The following EBF3 variants were observed in gnomAD, a reference collection of about 807,000 sequenced individuals.
EBF3 encodes transcription factor COE3.
EBF3 carries 18 observed loss-of-function variants against 77.1 expected under a neutral mutation model. That is an observed-to-expected ratio of 0.23 (90% CI 0.16 to 0.35). The LOEUF (loss-of-function observed/expected upper bound fraction) is 0.35. Ranked by LOEUF, EBF3 falls within the 10% of genes least tolerant of loss-of-function variation. EBF3 has a pLI of 1.00. For missense variants in EBF3, 558 were observed against 860.0 expected, an observed-to-expected ratio of 0.65 and a Z score of 4.39; for synonymous variants, 350 against 343.5, an observed-to-expected ratio of 1.02 and a Z score of -0.21.
At chr10:129,948,246 A>T (rs1858381197) in intron 6 of EBF3, among the ~76,000 whole-genome samples, 1 of 146,480 alleles carries the variant, frequency 6.8e-6, no homozygotes. Flanking sequence ...CAACAAGAGC[A>T]AAAACTCCGT....
intron 6 of EBF3, among the ~76,000 whole-genome samples, chr10:129,896,449 T>TGGCGTCGCCCGCCATTCCTGGCCC (rs1854382338): frequency 6.6e-6 from 1 of 152,236 alleles, no homozygotes; most frequent in Non-Finnish European, 1.5e-5. Context: ...CACCCTGGCC[T>TGGCGTCGCCCGCCATTCCTGGCCC]GGCGTCGCCC....
At chr10:129,851,448 C>T (rs1181013444) in intron 10 of EBF3, among the ~76,000 whole-genome samples, 3 of 152,242 alleles carry the variant, frequency 2.0e-5, no homozygotes, top group African/African-American at 4.8e-5. Flanking sequence ...GCTTAGTCTC[C>T]GAACACATGT....
chr10:129,963,064 G>C lies in EBF3; in HGVS notation c.292-59C>G. 2 of 1,599,168 alleles carry C rather than the reference G, an allele frequency of 1.3e-6. No individual in the cohort carries two copies. The highest frequency in any genetic ancestry group is 1.7e-6 in the Non-Finnish European group (2 of 1,166,678). On this transcript the variant is annotated intron_variant, in intron 2 of 16. Coordinates refer to ENST00000440978, the MANE Select transcript of EBF3 (RefSeq NM_001375380.1). The surrounding 1 kb of genome is among the most constrained non-coding windows in gnomAD (Gnocchi z 7.1). Reference sequence around the variant, plus strand: ...GATCGGTGTCAGGCGCGGCCACCACGCTCGGTCCCCCTCCGCGACCGAGGC... The same window carrying C: ...GATCGGTGTCAGGCGCGGCCACCACCCTCGGTCCCCCTCCGCGACCGAGGC...
chr10:129,949,326 G>A (rs1015103790), intron 6 of EBF3, among the ~76,000 whole-genome samples: 4 of 152,182 alleles, frequency 2.6e-5, no homozygotes, highest in Non-Finnish European at 5.9e-5. Flanking sequence ...GAAAAGAAAA[G>A]AAAAGAGAAA....
intron 6 of EBF3, among the ~76,000 whole-genome samples, chr10:129,907,768 G>T (rs971893338): frequency 6.6e-6 from 1 of 152,172 alleles, no homozygotes; most frequent in African/African-American, 2.4e-5. Context: ...AATTGGTATT[G>T]ATTTTTTCCT....
intron 6 of EBF3, among the ~76,000 whole-genome samples, chr10:129,950,881 C>T (rs575172177): frequency 6.6e-6 from 1 of 152,336 alleles, no homozygotes; most frequent in Admixed American, 6.5e-5. Flanking sequence ...GCTTTGCCAA[C>T]TGCAGGTTAA....
rs10665456 is a variant in EBF3, at chr10:129,889,946, C to CTTT, written c.555-12100_555-12098dup. Among the ~76,000 whole-genome samples, 67 of 82,892 alleles carry CTTT rather than the reference C, an allele frequency of 8.1e-4. 6 individuals carry two copies. The highest frequency in any genetic ancestry group is 5.5e-3 in the East Asian group (11 of 2,016). The allele number at this position is 82,892 out of a possible 152,430, so 54.4% of individuals were successfully genotyped here. A position where few individuals can be genotyped will look rare whatever the true frequency, so the allele number is the denominator to read the frequency against. ...AAATGAGCAAAGCCCATTGAAGTGC[C>CTTT]TTTTTTTTTTTTTTTTTTTTTTTTT... On this transcript the variant is annotated intron_variant, in intron 6 of 16. Transcript: ENST00000440978.
intron 10 of EBF3, 50 bp downstream of exon 10, chr10:129,867,091 G>A: frequency 6.3e-7 from 1 of 1,587,804 alleles, no homozygotes; most frequent in Non-Finnish European, 8.6e-7. Flanking sequence ...CCTCCTGGTG[G>A]GGAGGAGGCC....
At chr10:129,871,468 T>C (rs1220114481) in intron 8 of EBF3, among the ~76,000 whole-genome samples, 2 of 152,152 alleles carry the variant, frequency 1.3e-5, no homozygotes, top group East Asian at 3.9e-4. Flanking sequence ...GATTGGATAA[T>C]GAGGTGTTAG....
At chr10:129,886,025 T>A (rs976325106) in intron 6 of EBF3, among the ~76,000 whole-genome samples, 14 of 145,246 alleles carry the variant, frequency 9.6e-5, no homozygotes, top group Non-Finnish European at 1.9e-4. Context: ...GTGTTGTTTT[T>A]GGTTTTAATT....
At position 129,947,868 on chromosome 10, in the gene EBF3, G is replaced by GA. The variant is rs537596611; in HGVS notation, c.554+9389dup. On this transcript the variant is annotated intron_variant, in intron 6 of 16. Coordinates refer to ENST00000440978, the MANE Select transcript of EBF3 (RefSeq NM_001375380.1). This position sits in a 1 kb window ranked among gnomAD's most constrained non-coding sequence, Gnocchi z 4.5. Reference sequence around the variant, plus strand: ...CAGAGTGCCCAGTAACCTTTAAGAAGAAAAAAAAAATTATATTCAAAGAGA... The same window carrying GA: ...CAGAGTGCCCAGTAACCTTTAAGAAGAAAAAAAAAAATTATATTCAAAGAGA... Among the ~76,000 whole-genome samples, 350 of 148,530 alleles carry GA rather than the reference G, an allele frequency of 2.4e-3. 2 individuals carry two copies. Among genetic ancestry groups the GA allele is most frequent in the South Asian group, 0.01 (49 of 4,698 alleles).
chr10:129,957,423 G>A (rs1859127409), intron 5 of EBF3, 97 bp from the exon 6 acceptor site: 4 of 1,020,436 alleles, frequency 3.9e-6, no homozygotes, highest in Non-Finnish European at 4.4e-6. Flanking sequence ...CAATGAAGCG[G>A]TAGGAGTCAA....
At chr10:129,888,492 T>G (rs555901513) in intron 6 of EBF3, among the ~76,000 whole-genome samples, 1 of 152,368 alleles carries the variant, frequency 6.6e-6, no homozygotes, top group East Asian at 1.9e-4. Flanking sequence ...CCAGTCCCAC[T>G]GGTGAATGGC....
chr10:129,866,126 G>A (rs908869962), intron 10 of EBF3, among the ~76,000 whole-genome samples: 3 of 152,158 alleles, frequency 2.0e-5, no homozygotes, highest in Non-Finnish European at 4.4e-5. Flanking sequence ...AAGTTGAAGT[G>A]AGTTGTTTGT....
intron 11 of EBF3, chr10:129,845,244 C>T (rs549913342): frequency 6.6e-6 from 1 of 152,306 alleles, no homozygotes; most frequent in East Asian, 1.9e-4. Context: ...ATATGCCGAG[C>T]TTATGCATAC....
chr10:129,893,445 A>G (rs1163448154), intron 6 of EBF3, among the ~76,000 whole-genome samples: 3 of 152,236 alleles, frequency 2.0e-5, no homozygotes, highest in African/African-American at 7.2e-5. Flanking sequence ...TCTGTTCTAA[A>G]TGAATAAATT....
intron 6 of EBF3, among the ~76,000 whole-genome samples, chr10:129,930,795 A>G (rs1856969444): frequency 1.4e-5 from 2 of 146,922 alleles, no homozygotes; most frequent in Non-Finnish European, 3.0e-5. Flanking sequence ...GTCTATATCT[A>G]TCTCTATATT....
chr10:129,842,069 C>T lies in EBF3; in HGVS notation c.1372+47G>A. 6.2e-7 allele frequency: 1 copy of T among 1,612,536 alleles called. No homozygotes were observed. Among genetic ancestry groups the T allele is most frequent in the East Asian group, 2.2e-5 (1 of 44,852 alleles). ...CTCTTCAGCTAAGGCCTCAACCAAC[C>T]CTCGGAGGGCGTTCAGGGCAGGGGT... On this transcript the variant is annotated intron_variant, in intron 13 of 16. Coordinates refer to ENST00000440978, the MANE Select transcript of EBF3 (RefSeq NM_001375380.1). This position sits in a 1 kb window ranked among gnomAD's most constrained non-coding sequence, Gnocchi z 4.4.
intron 6 of EBF3, among the ~76,000 whole-genome samples, chr10:129,878,661 CAAAAAAAA>C (rs538628576): frequency 5.7e-5 from 2 of 34,850 alleles, no homozygotes; most frequent in Non-Finnish European, 1.0e-4. Context: ...GGCTCTGTCT[CAAAAAAAA>C]AAAAAAAAAA....
Sources: gnomAD v4.1 joint callset for allele counts (sites outside exome capture counted in the v4.1 genomes callset) on GRCh38, gnomAD v4.1.1 for gene constraint, Gnocchi (gnomAD v3.1) non-coding constraint, MANE v1.5 for transcripts, NCBI Gene and HGNC (gene_info 2026-07-23, HGNC 2026-07-21) for gene names.